LRRC7: variants seen among roughly 807,000 people sequenced by gnomAD.
The protein encoded by LRRC7 is leucine rich repeat containing 7, also known as leucine-rich repeat-containing protein 7.
A neutral mutation model predicts 175.7 loss-of-function variants in LRRC7; 23 were observed. The ratio of observed to expected loss-of-function variants is 0.13; its 90% CI spans 0.09 to 0.19. The LOEUF is 0.19. Ranked by LOEUF, LRRC7 falls within the 10% of genes least tolerant of loss-of-function variation. The pLI, the probability that LRRC7 is intolerant of heterozygous loss-of-function variation, is 1.00. For missense variants in LRRC7, 1,354 were observed against 1,904.7 expected, an observed-to-expected ratio of 0.71 and a Z score of 5.38; for synonymous variants, 685 against 680.9, an observed-to-expected ratio of 1.01 and a Z score of -0.09.
At chr1:69,691,891 C>T (rs1038502257) in intron 2 of LRRC7, among the ~76,000 whole-genome samples, 2 of 150,370 alleles carry the variant, frequency 1.3e-5, no homozygotes, top group African/African-American at 4.9e-5. Flanking sequence ...AGTTTAAAGG[C>T]ATCCAATAGA....
At chr1:69,833,656 A>T (rs1680780056) in intron 5 of LRRC7, among the ~76,000 whole-genome samples, 1 of 152,086 alleles carries the variant, frequency 6.6e-6, no homozygotes, top group African/African-American at 2.4e-5. Context: ...GAAGAGAAGC[A>T]GGAAAATTGT....
intron 7 of LRRC7, among the ~76,000 whole-genome samples, chr1:69,907,685 C>G (rs1570598572): frequency 2.0e-5 from 3 of 152,014 alleles, no homozygotes; most frequent in South Asian, 2.1e-4. Flanking sequence ...GAGGATTTTT[C>G]CATCAATGTT....
At chr1:69,962,796 G>A (rs947448802) in intron 8 of LRRC7, among the ~76,000 whole-genome samples, 1 of 152,016 alleles carries the variant, frequency 6.6e-6, no homozygotes, top group Non-Finnish European at 1.5e-5. Context: ...GACAGATAGG[G>A]GGAACAACAC....
At chr1:69,927,594 T>C (rs563326619) in intron 7 of LRRC7, among the ~76,000 whole-genome samples, 151 of 152,360 alleles carry the variant, frequency 9.9e-4, no homozygotes, top group Non-Finnish European at 1.8e-3. Context: ...TTCCAGTTGA[T>C]TGCATCGGCT....
chr1:69,909,730 A>T (rs1646459523), intron 7 of LRRC7, among the ~76,000 whole-genome samples: 1 of 151,400 alleles, frequency 6.6e-6, no homozygotes, highest in South Asian at 2.1e-4. Flanking sequence ...AACTTTGGTG[A>T]ACTTGACAAT....
At chr1:69,895,897 A>G (rs1214966542) in intron 7 of LRRC7, among the ~76,000 whole-genome samples, 5 of 152,186 alleles carry the variant, frequency 3.3e-5, no homozygotes, top group Non-Finnish European at 5.9e-5. Flanking sequence ...ATGAATATTT[A>G]TGTACAAGGC....
chr1:69,958,161 A>T (rs1263320942), intron 8 of LRRC7, among the ~76,000 whole-genome samples: 2 of 151,978 alleles, frequency 1.3e-5, no homozygotes, highest in South Asian at 2.1e-4. Context: ...TGCAGCCATA[A>T]AATTTCTTTT....
chr1:69,699,084 A>G (rs1409877578), intron 2 of LRRC7, among the ~76,000 whole-genome samples: 1 of 152,122 alleles, frequency 6.6e-6, no homozygotes, highest in Non-Finnish European at 1.5e-5. Flanking sequence ...TGGGACTGTA[A>G]ACTAGTTCAA....
intron 2 of LRRC7, among the ~76,000 whole-genome samples, chr1:69,756,421 CTCA>C (rs1670432752): frequency 6.6e-6 from 1 of 151,262 alleles, no homozygotes; most frequent in African/African-American, 2.4e-5. Flanking sequence ...AGTGAAAGGG[CTCA>C]TCAAGTGCCT....
intron 26 of LRRC7, among the ~76,000 whole-genome samples, chr1:70,111,589 C>T (rs1021001973): frequency 2.6e-5 from 4 of 151,976 alleles, no homozygotes; most frequent in African/African-American, 7.3e-5. Context: ...AATGTTCTTT[C>T]CAGCTAAAAA....
At chr1:69,897,522 T>C (rs2101658416) in intron 7 of LRRC7, among the ~76,000 whole-genome samples, 1 of 152,316 alleles carries the variant, frequency 6.6e-6, no homozygotes, top group East Asian at 1.9e-4. Flanking sequence ...AGAGACTTTA[T>C]CTGTTTTGCT....
At chr1:69,824,985 C>G (rs1251189531) in intron 4 of LRRC7, among the ~76,000 whole-genome samples, 1 of 152,182 alleles carries the variant, frequency 6.6e-6, no homozygotes, top group Non-Finnish European at 1.5e-5. Flanking sequence ...TTTTATTCCT[C>G]TGACCCTCAC....
At chr1:70,040,833 T>C (rs1659827883) in intron 21 of LRRC7, among the ~76,000 whole-genome samples, 2 of 151,754 alleles carry the variant, frequency 1.3e-5, no homozygotes, top group African/African-American at 4.8e-5. Flanking sequence ...AAAAATAAAT[T>C]GTGTCCACAA....
chr1:69,919,996 C>T (rs1646837607), intron 7 of LRRC7: 5 of 491,152 alleles, frequency 1.0e-5, no homozygotes, highest in Non-Finnish European at 1.8e-5. Flanking sequence ...GACTGGGGGC[C>T]CTGGGGTTCC....
At position 70,123,764 on chromosome 1, in the gene LRRC7, C is replaced by T. The variant is rs993206692; in HGVS notation, c.*1877C>T. Among the ~76,000 whole-genome samples, 1 of 152,074 alleles carries T rather than the reference C, an allele frequency of 6.6e-6. No homozygotes were observed. Among genetic ancestry groups the T allele is most frequent in the African/African-American group, 2.4e-5 (1 of 41,408 alleles). On this transcript the variant is annotated 3_prime_UTR_variant, in exon 27 of 27. Coordinates refer to ENST00000651989, the MANE Select transcript of LRRC7 (RefSeq NM_001370785.2). ...TTGTTGAAAACTCATGTCAAGCCAC[C>T]ATATCCAGATATTATAGGATGATCA... is the stretch of plus-strand genomic sequence containing the variant.
At position 70,039,291 on chromosome 1, in the gene LRRC7, C is replaced by G; in HGVS notation, c.3467C>G (p.Ser1156Cys). Reference sequence around the variant, plus strand: ...GCGGGCTTCCTGAGAAGGGCCGACTCCCTGGTGAGCGCCACAGAAATGGCC... The same window carrying G: ...GCGGGCTTCCTGAGAAGGGCCGACTGCCTGGTGAGCGCCACAGAAATGGCC... ...ARAGFLRRAD[S>C]LVSATEMAMF... Residue 1156 changes from serine (S) to cysteine (C), a missense_variant, in exon 21 of 27, where the codon TCC (serine) becomes TGC (cysteine). Ser to Cys is a moderately radical substitution (Grantham distance 112, BLOSUM62 -1). Transcript: ENST00000651989. 6.2e-7 allele frequency: 1 copy of G among 1,613,998 alleles called. No individual in the cohort carries two copies. The highest frequency in any genetic ancestry group is 1.1e-5 in the South Asian group (1 of 91,070).
At chr1:69,600,376 G>T (rs1647005232) in intron 1 of LRRC7, among the ~76,000 whole-genome samples, 1 of 152,072 alleles carries the variant, frequency 6.6e-6, no homozygotes, top group African/African-American at 2.4e-5. Flanking sequence ...TCTTGGCTCT[G>T]ACAGGTTTTC....
intron 2 of LRRC7, among the ~76,000 whole-genome samples, chr1:69,753,536 G>A (rs1191358159): frequency 1.3e-5 from 2 of 151,986 alleles, no homozygotes; most frequent in African/African-American, 2.4e-5. Context: ...TCATCAAAAT[G>A]TGGAAAATAA....
At chr1:69,959,663 G>A (rs1346284216) in intron 8 of LRRC7, among the ~76,000 whole-genome samples, 1 of 152,116 alleles carries the variant, frequency 6.6e-6, no homozygotes, top group Non-Finnish European at 1.5e-5. Context: ...GAGCCACAGA[G>A]ATGAACAAGA....
Sources: gnomAD v4.1 joint callset for allele counts (sites outside exome capture counted in the v4.1 genomes callset) on GRCh38, gnomAD v4.1.1 for gene constraint, MANE v1.5 for transcripts, NCBI Gene and HGNC (gene_info 2026-07-23, HGNC 2026-07-21) for gene names.